GABBR1: variants seen among roughly 807,000 people sequenced by gnomAD.
GABBR1 encodes GABA-B receptor, R1 subunit.
GABBR1 carries 35 observed loss-of-function variants against 117.7 expected under a neutral mutation model. That is an observed-to-expected ratio of 0.30 (90% CI 0.23 to 0.39). The LOEUF (loss-of-function observed/expected upper bound fraction) is 0.39. Ranked by LOEUF, GABBR1 falls within the 10% of genes least tolerant of loss-of-function variation. GABBR1 has a pLI of 1.00. For synonymous variants in GABBR1, 442 were observed against 486.6 expected (o/e 0.91, Z 1.21); for missense variants, 709 against 1,241.8 (o/e 0.57, Z 6.45).
At position 29,605,690 on chromosome 6, in the gene GABBR1, A is replaced by G; in HGVS notation, c.2318T>C (p.Phe773Ser). 6.2e-7 allele frequency: 1 copy of G among 1,612,646 alleles called. No individual in the cohort carries two copies. The highest frequency in any genetic ancestry group is 8.5e-7 in the Non-Finnish European group (1 of 1,179,976). The change falls in exon 20 of 23, where the codon TTC becomes TCC. Residue 773 changes from phenylalanine to serine, a missense_variant. Transcript: ENST00000377034. This position sits in a 1 kb window ranked among gnomAD's most constrained non-coding sequence, Gnocchi z 4.2. ...CAGCAGCAGCCCCTTGTAACCATAG[A>G]AAATGCCTAGGATGGCAGGAGAGAG... Reference protein sequence around the residue: ...SRKMNTWLGIFYGYKGLLLLL... With the variant: ...SRKMNTWLGISYGYKGLLLLL...
Position 29,632,561 on chromosome 6 carries a change from G to A in GABBR1, c.1-176C>T. The A allele has an allele frequency of 2.2e-6, 2 of 906,086 alleles. No individual in the cohort carries two copies. The highest frequency in any genetic ancestry group is 3.1e-6 in the Non-Finnish European group (2 of 643,350). The allele number at this position is 906,086 out of a possible 1,614,324, so 56.1% of individuals were successfully genotyped here. On this transcript the variant is annotated intron_variant, in intron 1 of 22. Coordinates refer to ENST00000377034, the MANE Select transcript of GABBR1 (RefSeq NM_001470.4). This position sits in a 1 kb window ranked among gnomAD's most constrained non-coding sequence, Gnocchi z 5.8. ...GAGCCCCGCGCGGGGTGGGGGGAGA[G>A]GAGGAGAGAAAGCCTGTCCCCACCC... is the stretch of plus-strand genomic sequence containing the variant.
At position 29,621,038 on chromosome 6, in the gene GABBR1, G is replaced by T; in HGVS notation, c.1323+63C>A. The T allele has an allele frequency of 6.8e-7, 1 of 1,463,222 alleles. No individual in the cohort carries two copies. Among genetic ancestry groups the T allele is most frequent in the Non-Finnish European group, 9.3e-7 (1 of 1,072,300 alleles). 90.6% of individuals were successfully genotyped at this position (1,463,222 alleles called of 1,614,324 possible). A position where few individuals can be genotyped will look rare whatever the true frequency, so the allele number is the denominator to read the frequency against. On this transcript the variant is annotated intron_variant, in intron 11 of 22. Transcript: ENST00000377034. The surrounding 1 kb of genome is among the most constrained non-coding windows in gnomAD (Gnocchi z 5.0). ...CCCTCTCCCTGCCACCCTTTCCCCT[G>T]CAAGGCCCCCTCAGTCCTCTCCACC... is the stretch of plus-strand genomic sequence containing the variant.
Position 29,623,992 on chromosome 6 carries a change from A to G in GABBR1, c.690T>C (p.Tyr230=), listed in dbSNP as rs762606151. The change falls in exon 7 of 23, where the codon TAT becomes TAC. Residue 230 remains tyrosine, a synonymous_variant. Transcript: ENST00000377034. The surrounding 1 kb of genome is among the most constrained non-coding windows in gnomAD (Gnocchi z 6.2). ...TGATAGGGTCGTTGTAGAGCAGCTCATATAGGTACTTGGTGGCTTGGCCTG... is the reference window on the plus strand; with the variant it reads ...TGATAGGGTCGTTGTAGAGCAGCTCGTATAGGTACTTGGTGGCTTGGCCTG... ...CDPGQATKYL[Y]ELLYNDPIKI... 5 of 1,612,812 alleles carry G rather than the reference A, an allele frequency of 3.1e-6. No individual in the cohort carries two copies. The highest frequency in any genetic ancestry group is 4.2e-6 in the Non-Finnish European group (5 of 1,179,934).
intron 6 of GABBR1, among the ~76,000 whole-genome samples, chr6:29,626,064 C>T (rs1764236722): frequency 1.3e-5 from 2 of 152,136 alleles, no homozygotes; most frequent in South Asian, 4.1e-4. Flanking sequence ...TCATCCCTGA[C>T]CAAGGAGCTA....
At chr6:29,625,328 C>A (rs962436884) in intron 6 of GABBR1, among the ~76,000 whole-genome samples, 1 of 152,142 alleles carries the variant, frequency 6.6e-6, no homozygotes, top group Non-Finnish European at 1.5e-5. Context: ...CTCCCACAGC[C>A]CCTCAGTGCC....
rs1764022518 is a variant in GABBR1 at position 29,624,018 on chromosome 6, G to A, written c.664C>T (p.Pro222Ser). 1 of 1,611,084 alleles carries A rather than the reference G, an allele frequency of 6.2e-7. No individual in the cohort carries two copies. Among genetic ancestry groups the A allele is most frequent in the African/African-American group, 1.3e-5 (1 of 74,892 alleles). ...KLIHHDSKCDPGQATKYLYEL... is the reference protein window; with the variant it reads ...KLIHHDSKCDSGQATKYLYEL... ...TATAGGTACTTGGTGGCTTGGCCTG[G>A]ATCACACTGAAAGACAAGAGGAGAT... is the stretch of plus-strand genomic sequence containing the variant. The change falls in exon 7 of 23, where the codon CCA becomes TCA. Residue 222 changes from proline (P) to serine (S), a missense_variant. Physicochemically the swap from Pro to Ser is moderately conservative, Grantham distance 74. Around this residue, in one of 9 missense-constraint regions of GABBR1, gnomAD observed 192 missense variants for 418.4 expected, o/e 0.46. Coordinates refer to ENST00000377034, the MANE Select transcript of GABBR1 (RefSeq NM_001470.4).
At position 29,620,160 on chromosome 6, in the gene GABBR1, CA is replaced by C. The variant is rs1319830772; in HGVS notation, c.1323+940del. Among the ~76,000 whole-genome samples the C allele has an allele frequency of 6.6e-6, 1 of 152,172 alleles. No homozygotes were observed. On this transcript the variant is annotated intron_variant, in intron 11 of 22. Transcript: ENST00000377034. This position sits in a 1 kb window ranked among gnomAD's most constrained non-coding sequence, Gnocchi z 4.5. Reference sequence around the variant, plus strand: ...AGTAGCTGCATGACCTGAGACAAGTCATTAAACCACTCTGAGTCTCATTTTC... The same window carrying C: ...AGTAGCTGCATGACCTGAGACAAGTCTTAAACCACTCTGAGTCTCATTTTC...
At chr6:29,610,172 C>T (rs764951817) in intron 14 of GABBR1, among the ~76,000 whole-genome samples, 4 of 151,990 alleles carry the variant, frequency 2.6e-5, no homozygotes, top group Non-Finnish European at 5.9e-5. Flanking sequence ...GCCTCCCCTT[C>T]ATTCTCAAGG....
At chr6:29,608,247 A>C (rs1420609396) in intron 16 of GABBR1, among the ~76,000 whole-genome samples, 1 of 152,144 alleles carries the variant, frequency 6.6e-6, no homozygotes, top group Non-Finnish European at 1.5e-5. Flanking sequence ...CTCCCAAAAA[A>C]AGTCCACAGT....
rs545135198 is a variant in GABBR1, at chr6:29,627,852, T to C, written c.497-206A>G. On this transcript the variant is annotated intron_variant, in intron 5 of 22. Coordinates refer to ENST00000377034, the MANE Select transcript of GABBR1 (RefSeq NM_001470.4). This position sits in a 1 kb window ranked among gnomAD's most constrained non-coding sequence, Gnocchi z 4.4. Reference sequence around the variant, plus strand: ...AGGAGCTCAGGGGGGACACTTTTCCTGGGGAGGGCTGCTAAGAGGGTGCCG... The same window carrying C: ...AGGAGCTCAGGGGGGACACTTTTCCCGGGGAGGGCTGCTAAGAGGGTGCCG... 2.9e-5 allele frequency: 40 copies of C among 1,389,940 alleles called. No individual in the cohort carries two copies. The highest frequency in any genetic ancestry group is 3.5e-5 in the Non-Finnish European group (38 of 1,078,540). The allele number at this position is 1,389,940 out of a possible 1,614,324, so 86.1% of individuals were successfully genotyped here.
In GABBR1 at chr6:29,627,638, C is replaced by A. The variant is rs760132565; in HGVS notation, c.505G>T (p.Ala169Ser). 3.9e-6 allele frequency: 6 copies of A among 1,552,992 alleles called. No individual in the cohort carries two copies. Among genetic ancestry groups the A allele is most frequent in the African/African-American group, 1.4e-5 (1 of 73,480 alleles). ...VNRTPHSERR[A>S]VYIGALFPMS... ...GGAAACAGTGCCCCGATGTACACTG[C>A]GCGCCGTTCTGAGGAGGGGTGCGGG... Residue 169 changes from alanine to serine, a missense_variant, in exon 6 of 23, where the codon GCA becomes TCA. Ala to Ser is a moderately conservative substitution (Grantham distance 99, BLOSUM62 1). Around this residue, in one of 9 missense-constraint regions of GABBR1, gnomAD observed 192 missense variants for 418.4 expected, o/e 0.46. Transcript: ENST00000377034. This position sits in a 1 kb window ranked among gnomAD's most constrained non-coding sequence, Gnocchi z 4.4.
intron 11 of GABBR1, among the ~76,000 whole-genome samples, chr6:29,619,594 G>A (rs1490168522): frequency 2.0e-5 from 3 of 152,108 alleles, no homozygotes; most frequent in African/African-American, 7.2e-5. Context: ...GGGCTCCAGT[G>A]ATCCTCTGCC....
chr6:29,616,917 G>A (rs1306935079), intron 11 of GABBR1, among the ~76,000 whole-genome samples: 2 of 149,436 alleles, frequency 1.3e-5, no homozygotes, highest in Non-Finnish European at 3.0e-5. Context: ...GGAGGCCGAG[G>A]CGGGCGGATC....
At chr6:29,608,573 G>A in intron 16 of GABBR1, 28 bp downstream of exon 16, 1 of 1,608,908 alleles carries the variant, frequency 6.2e-7, no homozygotes. Flanking sequence ...GTCACATCCT[G>A]TAAGGAATTT....
rs1764803673 is a variant in GABBR1 at position 29,630,114 on chromosome 6, T to C, written c.475+344A>G. The C allele has an allele frequency of 3.8e-6, 1 of 262,350 alleles. No homozygotes were observed. 16.3% of individuals were successfully genotyped at this position (262,350 alleles called of 1,614,324 possible). On this transcript the variant is annotated intron_variant, in intron 4 of 22. Coordinates refer to ENST00000377034, the MANE Select transcript of GABBR1 (RefSeq NM_001470.4). The surrounding 1 kb of genome is among the most constrained non-coding windows in gnomAD (Gnocchi z 4.9). ...CTAGAAGAGGGTGATGCATGGAAAT[T>C]TCTAAGTTTAGAGAAAGGGAAAATT...
rs1398830127 is a variant in GABBR1, at chr6:29,610,981, C to T, written c.1651G>A (p.Gly551Ser). The change falls in exon 14 of 23, where the codon GGC becomes AGC. Residue 551 changes from glycine to serine, a missense_variant. Gly to Ser is a moderately conservative substitution (Grantham distance 56). Around this residue, in one of 9 missense-constraint regions of GABBR1, gnomAD observed 10 missense variants for 53.6 expected, o/e 0.19. Transcript: ENST00000377034. ...QLQGGSYKKIGYYDSTKDDLS... is the reference protein window; with the variant it reads ...QLQGGSYKKISYYDSTKDDLS... ...TCATCCTTGGTGCTGTCATAGTAGC[C>T]AATCTTCTTGTAGCTGCCACCTGGG... The T allele has an allele frequency of 6.2e-7, 1 of 1,612,930 alleles. No individual in the cohort carries two copies. The highest frequency in any genetic ancestry group is 1.7e-5 in the Admixed American group (1 of 60,012).
chr6:29,605,294 C>T lies in GABBR1; in HGVS notation c.2439+275G>A, dbSNP rs1225263010. On this transcript the variant is annotated intron_variant, in intron 20 of 22. Coordinates refer to ENST00000377034, the MANE Select transcript of GABBR1 (RefSeq NM_001470.4). This position sits in a 1 kb window ranked among gnomAD's most constrained non-coding sequence, Gnocchi z 4.2. ...TGTCAATAGAGTCCAGCCCATTAAC[C>T]ACAGACAAGCAATTTAACGTCTCTG... is the stretch of plus-strand genomic sequence containing the variant. 7.1e-6 allele frequency: 4 copies of T among 563,758 alleles called. No individual in the cohort carries two copies. In the African/African-American group the frequency reaches 7.5e-5, roughly 11 times the overall value. The allele number at this position is 563,758 out of a possible 1,614,324, so 34.9% of individuals were successfully genotyped here. A position where few individuals can be genotyped will look rare whatever the true frequency, so the allele number is the denominator to read the frequency against.
chr6:29,608,578 G>A, intron 16 of GABBR1, 23 bp downstream of exon 16: 1 of 1,610,144 alleles, frequency 6.2e-7, no homozygotes, highest in Non-Finnish European at 8.5e-7. Flanking sequence ...ATCCTGTAAG[G>A]AATTTGCCCA....
rs1764373234 is a variant in GABBR1 at position 29,627,307 on chromosome 6, C to T, written c.657+179G>A. 6.6e-6 allele frequency among the ~76,000 whole-genome samples: 1 copy of T among 152,182 alleles called. No individual in the cohort carries two copies. Among genetic ancestry groups the T allele is most frequent in the Admixed American group, 6.5e-5 (1 of 15,286 alleles). On this transcript the variant is annotated intron_variant, in intron 6 of 22. Coordinates refer to ENST00000377034, the MANE Select transcript of GABBR1 (RefSeq NM_001470.4). This position sits in a 1 kb window ranked among gnomAD's most constrained non-coding sequence, Gnocchi z 4.4. ...GCCCCTAGACCCTCATCTTGGACCT[C>T]CAGCCCCTGCGACTCTCCCCAAGCT...
Sources: gnomAD v4.1 joint callset for allele counts (sites outside exome capture counted in the v4.1 genomes callset) on GRCh38, gnomAD v4.1.1 for gene constraint, gnomAD v4.1.1 regional missense constraint, Gnocchi (gnomAD v3.1) non-coding constraint, MANE v1.5 for transcripts, NCBI Gene and HGNC (gene_info 2026-07-23, HGNC 2026-07-21) for gene names.